The following SOX5 variants were observed in gnomAD, a reference collection of about 807,000 sequenced individuals.
SOX5 encodes transcription factor SOX-5.
Under a neutral mutation model 92.0 loss-of-function variants are expected in SOX5, and 9 were observed. That is an observed-to-expected ratio of 0.10 (90% CI 0.06 to 0.17). The LOEUF is 0.17. SOX5 is among the 10% of genes least tolerant of loss of function. The pLI is 1.00. For missense variants in SOX5, 642 were observed against 944.5 expected (o/e 0.68, Z 4.20); for synonymous variants, 344 against 336.3 (o/e 1.02, Z -0.25).
At chr12:24,153,094 A>G (rs1328559323) in intron 4 of SOX5, among the ~76,000 whole-genome samples, 1 of 152,124 alleles carries the variant, frequency 6.6e-6, no homozygotes, top group Non-Finnish European at 1.5e-5. Flanking sequence ...GCTTGCTCCA[A>G]GCAGCAGGCC....
At chr12:23,722,324 T>C (rs1429708120) in intron 6 of SOX5, among the ~76,000 whole-genome samples, 1 of 152,152 alleles carries the variant, frequency 6.6e-6, no homozygotes, top group Non-Finnish European at 1.5e-5. Flanking sequence ...TAAACATACA[T>C]GCTAAATATT....
At chr12:23,744,674 CA>C (rs770879907) in intron 4 of SOX5, among the ~76,000 whole-genome samples, 8 of 151,984 alleles carry the variant, frequency 5.3e-5, no homozygotes, top group Admixed American at 3.9e-4. Context: ...GATCTCCTCC[CA>C]ACACTGTCCC....
intron 1 of SOX5, among the ~76,000 whole-genome samples, chr12:24,423,408 C>T (rs983441313): frequency 5.3e-5 from 8 of 152,206 alleles, no homozygotes; most frequent in African/African-American, 1.7e-4. Flanking sequence ...GATTAATCTA[C>T]TATACACTAT....
chr12:23,686,663 T>C lies in SOX5; in HGVS notation c.811-21099A>G, dbSNP rs565305247. 3.9e-5 allele frequency among the ~76,000 whole-genome samples: 6 copies of C among 152,272 alleles called. No individual in the cohort carries two copies. In the South Asian group the frequency reaches 1.2e-3, roughly 32 times the overall value. ...CATATCCTTTCTATATCCTATTACATTGCAGTAATTACCTGTTCAGTTGTT... is the reference window on the plus strand; with the variant it reads ...CATATCCTTTCTATATCCTATTACACTGCAGTAATTACCTGTTCAGTTGTT... On this transcript the variant is annotated intron_variant, in intron 6 of 14. Transcript: ENST00000451604.
At chr12:24,284,449 TGTGTGC>T (rs1945596479) in intron 2 of SOX5, among the ~76,000 whole-genome samples, 1 of 151,476 alleles carries the variant, frequency 6.6e-6, no homozygotes, top group South Asian at 2.1e-4. Context: ...TGTGTGTGTG[TGTGTGC>T]GTGTCTTTCA....
chr12:23,620,142 TA>T (rs2077005423), intron 8 of SOX5, among the ~76,000 whole-genome samples: 1 of 152,076 alleles, frequency 6.6e-6, no homozygotes, highest in African/African-American at 2.4e-5. Context: ...TGAGCTGATA[TA>T]ATTACATACA....
chr12:24,296,362 C>CT (rs1357500322), intron 2 of SOX5, among the ~76,000 whole-genome samples: 16 of 152,204 alleles, frequency 1.1e-4, no homozygotes, highest in Admixed American at 2.0e-4. Flanking sequence ...AAGTCACAGA[C>CT]ATTTAAGACT....
chr12:23,808,897 A>G (rs1362637496), intron 3 of SOX5, among the ~76,000 whole-genome samples: 1 of 152,174 alleles, frequency 6.6e-6, no homozygotes, highest in Non-Finnish European at 1.5e-5. Flanking sequence ...ATATCTTAAT[A>G]TTGATAAGTA....
chr12:24,506,320 A>G (rs113340710), intron 1 of SOX5, among the ~76,000 whole-genome samples: 6 of 152,120 alleles, frequency 3.9e-5, no homozygotes, highest in Admixed American at 1.3e-4. Flanking sequence ...AATCTGGCTG[A>G]CAATTAACTA....
intron 4 of SOX5, among the ~76,000 whole-genome samples, chr12:24,183,712 TC>T (rs1252284991): frequency 6.6e-6 from 1 of 152,208 alleles, no homozygotes; most frequent in Non-Finnish European, 1.5e-5. Context: ...TATGTTGTTT[TC>T]CTATAGCACA....
intron 3 of SOX5, among the ~76,000 whole-genome samples, chr12:23,762,306 G>A (rs1363495523): frequency 6.6e-6 from 1 of 152,112 alleles, no homozygotes; most frequent in Non-Finnish European, 1.5e-5. Context: ...GCTGAGGCGA[G>A]AATACTGCTT....
At chr12:24,167,706 C>G (rs978127843) in intron 4 of SOX5, among the ~76,000 whole-genome samples, 1 of 152,222 alleles carries the variant, frequency 6.6e-6, no homozygotes, top group African/African-American at 2.4e-5. Context: ...TTATTCTAAA[C>G]ATTTATTTTG....
At chr12:23,774,518 T>C (rs2095039170) in intron 3 of SOX5, among the ~76,000 whole-genome samples, 1 of 152,178 alleles carries the variant, frequency 6.6e-6, no homozygotes, top group Admixed American at 6.5e-5. Flanking sequence ...TCAAATTTTT[T>C]GTACTAAATT....
intron 1 of SOX5, among the ~76,000 whole-genome samples, chr12:23,913,242 C>T (rs1279119162): frequency 1.3e-5 from 2 of 152,002 alleles, no homozygotes; most frequent in African/African-American, 4.8e-5. Flanking sequence ...GGATTTTTCC[C>T]CAAAGAATCA....
chr12:23,994,248 A>T (rs1950837887), intron 4 of SOX5, among the ~76,000 whole-genome samples: 1 of 152,296 alleles, frequency 6.6e-6, no homozygotes, highest in South Asian at 2.1e-4. Context: ...GTATGATAGT[A>T]AAGGAAAGAA....
At chr12:23,668,767 G>C (rs771038597) in intron 6 of SOX5, among the ~76,000 whole-genome samples, 2 of 151,958 alleles carry the variant, frequency 1.3e-5, no homozygotes, top group African/African-American at 2.4e-5. Flanking sequence ...CACATAAGAG[G>C]CTACTTCCTA....
At chr12:23,574,711 T>A (rs1253692978) in intron 10 of SOX5, among the ~76,000 whole-genome samples, 1 of 152,218 alleles carries the variant, frequency 6.6e-6, no homozygotes, top group Non-Finnish European at 1.5e-5. Flanking sequence ...TTTTCTACAA[T>A]CTAGACAAAT....
chr12:24,236,063 G>A (rs898697101), intron 3 of SOX5, among the ~76,000 whole-genome samples: 6 of 151,998 alleles, frequency 3.9e-5, no homozygotes, highest in African/African-American at 1.4e-4. Context: ...GTGGTGGCGG[G>A]CACCTGTAGT....
At chr12:23,731,261 G>A (rs144309772) in intron 6 of SOX5, among the ~76,000 whole-genome samples, 191 of 152,224 alleles carry the variant, frequency 1.3e-3, no homozygotes, top group African/African-American at 4.3e-3. Flanking sequence ...GAACCATGCC[G>A]CCAGCCTCCC....
Sources: allele counts gnomAD v4.1 joint callset (sites outside exome capture counted in the v4.1 genomes callset), GRCh38; gene constraint gnomAD v4.1.1; transcripts MANE v1.5; gene names NCBI Gene and HGNC (gene_info 2026-07-23, HGNC 2026-07-21).